SEZ6L: variants seen among roughly 807,000 people sequenced by gnomAD.
The protein encoded by SEZ6L is seizure 6-like protein.
Under a neutral mutation model 106.2 loss-of-function variants are expected in SEZ6L, and 37 were observed. The observed-to-expected ratio is 0.35, with a 90% CI of 0.27 to 0.46. SEZ6L has a LOEUF of 0.46. Among genes scored for constraint, SEZ6L ranks in the 20% least tolerant of loss-of-function variants. The pLI is 1.00. For synonymous variants in SEZ6L, 541 were observed against 570.4 expected, an observed-to-expected ratio of 0.95 and a Z score of 0.73; for missense variants, 1,172 against 1,332.8, an observed-to-expected ratio of 0.88 and a Z score of 1.88.
chr22:26,174,431 A>G (rs987779260), intron 1 of SEZ6L, among the ~76,000 whole-genome samples: 1 of 152,022 alleles, frequency 6.6e-6, no homozygotes, highest in Non-Finnish European at 1.5e-5. Flanking sequence ...AAAAAAGATA[A>G]TCTGTCGGAC....
intron 1 of SEZ6L, among the ~76,000 whole-genome samples, chr22:26,281,374 CT>C (rs769088373): frequency 0.049 from 6,450 of 130,442 alleles, 85 homozygotes; most frequent in African/African-American, 0.08. Flanking sequence ...TTCTTTCTTT[CT>C]TTTTTTTTTT....
intron 1 of SEZ6L, among the ~76,000 whole-genome samples, chr22:26,221,171 T>C (rs2078458400): frequency 6.6e-6 from 1 of 152,104 alleles, no homozygotes; most frequent in African/African-American, 2.4e-5. Context: ...CTGCTTAGCT[T>C]ACCCCCTGGC....
chr22:26,272,712 T>C (rs1221466918), intron 1 of SEZ6L, among the ~76,000 whole-genome samples: 2 of 152,192 alleles, frequency 1.3e-5, no homozygotes, highest in Non-Finnish European at 2.9e-5. Flanking sequence ...TATGAGGGTA[T>C]GGATGAATGA....
intron 12 of SEZ6L, among the ~76,000 whole-genome samples, chr22:26,361,106 T>C (rs2083607518): frequency 6.6e-6 from 1 of 152,070 alleles, no homozygotes; most frequent in African/African-American, 2.4e-5. Flanking sequence ...AAAACTGACA[T>C]GTGAAACCTC....
At chr22:26,194,070 A>G (rs926018858) in intron 1 of SEZ6L, among the ~76,000 whole-genome samples, 1 of 152,214 alleles carries the variant, frequency 6.6e-6, no homozygotes, top group African/African-American at 2.4e-5. Flanking sequence ...GATCCCTCCT[A>G]GATCCCAAAG....
chr22:26,322,374 G>GC (rs1443842159), intron 9 of SEZ6L, among the ~76,000 whole-genome samples: 1 of 152,154 alleles, frequency 6.6e-6, no homozygotes, highest in East Asian at 1.9e-4. Flanking sequence ...TCTCGGCAAT[G>GC]TAGCAGCGAC....
intron 1 of SEZ6L, among the ~76,000 whole-genome samples, chr22:26,241,590 A>G (rs1806558313): frequency 6.6e-6 from 1 of 152,216 alleles, no homozygotes; most frequent in African/African-American, 2.4e-5. Context: ...TTTGCTCATT[A>G]GCGGGAAATT....
intron 1 of SEZ6L, among the ~76,000 whole-genome samples, chr22:26,287,353 CTT>C (rs1173659395): frequency 6.6e-6 from 1 of 152,156 alleles, no homozygotes; most frequent in Non-Finnish European, 1.5e-5. Context: ...TGTTCACTCT[CTT>C]GTGTCGGGTG....
Position 26,292,317 on chromosome 22 carries a change from G to A in SEZ6L, c.95-89G>A. On this transcript the variant is annotated intron_variant, in intron 1 of 16. Coordinates refer to ENST00000248933, the MANE Select transcript of SEZ6L (RefSeq NM_021115.5). ...GCCAGCCGGACGAGCTTTGGGCACC[G>A]CCCTTAGGAGGGCCACCCTCAGAGT... 4 of 1,051,042 alleles carry A rather than the reference G, an allele frequency of 3.8e-6. No individual in the cohort carries two copies. The South Asian group carries it at 4.7e-5, about 12-fold the overall frequency. The allele number at this position is 1,051,042 out of a possible 1,614,324, so 65.1% of individuals were successfully genotyped here.
At chr22:26,238,119 G>A (rs2079005629) in intron 1 of SEZ6L, among the ~76,000 whole-genome samples, 1 of 152,204 alleles carries the variant, frequency 6.6e-6, no homozygotes, top group Non-Finnish European at 1.5e-5. Context: ...AGCAAATCAT[G>A]TCCCTATTAT....
intron 4 of SEZ6L, among the ~76,000 whole-genome samples, chr22:26,297,911 T>A (rs1376197256): frequency 6.6e-6 from 1 of 150,844 alleles, no homozygotes; most frequent in African/African-American, 2.4e-5. Flanking sequence ...TCCCATGACC[T>A]CAGGTCTCCT....
chr22:26,305,222 G>GT (rs986767635), intron 5 of SEZ6L, among the ~76,000 whole-genome samples: 5 of 151,976 alleles, frequency 3.3e-5, no homozygotes, highest in African/African-American at 7.2e-5. Context: ...TCATCTTGGT[G>GT]TTTTTTTTAT....
At chr22:26,328,142 C>T (rs1303922486) in intron 9 of SEZ6L, among the ~76,000 whole-genome samples, 1 of 152,162 alleles carries the variant, frequency 6.6e-6, no homozygotes, top group East Asian at 1.9e-4. Context: ...TTTGTGGATT[C>T]TGCGATTTGC....
In SEZ6L at chr22:26,370,522, G is replaced by A. The variant is rs908033611; in HGVS notation, c.2795-2929G>A. Reference sequence around the variant, plus strand: ...ATTGCAAAGGTATCTCATGGAACAAGTAGAAGAAATCAGAGCTTCAAATGG... The same window carrying A: ...ATTGCAAAGGTATCTCATGGAACAAATAGAAGAAATCAGAGCTTCAAATGG... On this transcript the variant is annotated intron_variant, in intron 13 of 16. Coordinates refer to ENST00000248933, the MANE Select transcript of SEZ6L (RefSeq NM_021115.5). 3.9e-5 allele frequency among the ~76,000 whole-genome samples: 6 copies of A among 152,148 alleles called. No homozygotes were observed. The East Asian group carries it at 9.6e-4, about 24-fold the overall frequency.
intron 1 of SEZ6L, among the ~76,000 whole-genome samples, chr22:26,279,382 C>A (rs975375693): frequency 8.5e-5 from 13 of 152,140 alleles, no homozygotes; most frequent in Non-Finnish European, 1.6e-4. Context: ...GGCTGGGGAT[C>A]TTGGGATTTT....
intron 1 of SEZ6L, among the ~76,000 whole-genome samples, chr22:26,290,297 C>A (rs112615627): frequency 3.3e-5 from 5 of 152,092 alleles, no homozygotes; most frequent in African/African-American, 1.2e-4. Flanking sequence ...TTTGGGAGGC[C>A]GAGGCGGGTG....
At chr22:26,312,555 G>GGCTGCA (rs112278112) in intron 8 of SEZ6L, among the ~76,000 whole-genome samples, 36,374 of 150,336 alleles carry the variant, frequency 0.24, 5,232 homozygotes, top group African/African-American at 0.41. Flanking sequence ...GGACAGTGTT[G>GGCTGCA]TAGAACCCTC....
intron 1 of SEZ6L, among the ~76,000 whole-genome samples, chr22:26,212,197 T>C (rs2078180400): frequency 6.6e-6 from 1 of 152,056 alleles, no homozygotes. Flanking sequence ...ATGGGGAAAT[T>C]TCAGACCACA....
chr22:26,360,444 A>G (rs2083577612), intron 12 of SEZ6L, among the ~76,000 whole-genome samples: 1 of 152,216 alleles, frequency 6.6e-6, no homozygotes, highest in South Asian at 2.1e-4. Flanking sequence ...CTTGCTCATC[A>G]TTGTATGCCC....
Sources: gnomAD v4.1 joint callset for allele counts (sites outside exome capture counted in the v4.1 genomes callset) on GRCh38, gnomAD v4.1.1 for gene constraint, MANE v1.5 for transcripts, NCBI Gene and HGNC (gene_info 2026-07-23, HGNC 2026-07-21) for gene names.